Variants in FBXL13 observed in about 807,000 individuals in gnomAD.
FBXL13 encodes the protein F-box and leucine rich repeat protein 13, also known as F-box and leucine-rich repeat protein 13.
Under a neutral mutation model 83.6 loss-of-function variants are expected in FBXL13, and 67 were observed. The ratio of observed to expected loss-of-function variants is 0.80; its 90% CI spans 0.66 to 0.98. FBXL13 has a LOEUF of 0.98. Ranked by LOEUF, FBXL13 falls within the 50% of genes least tolerant of loss-of-function variation. The pLI is 0.00. For synonymous variants in FBXL13, 272 were observed against 299.5 expected (o/e 0.91, Z 0.95); for missense variants, 822 against 866.5 (o/e 0.95, Z 0.64).
At chr7:102,903,939 C>CTTTTCTTTTCT (rs1321420603) in intron 11 of FBXL13, among the ~76,000 whole-genome samples, 2 of 43,454 alleles carry the variant, frequency 4.6e-5, no homozygotes, top group Admixed American at 2.4e-4. Flanking sequence ...CTTTTCTTTT[C>CTTTTCTTTTCT]TTTTTTTTTT....
At chr7:103,001,180 CA>C (rs1223095881) in intron 6 of FBXL13, among the ~76,000 whole-genome samples, 1 of 151,768 alleles carries the variant, frequency 6.6e-6, no homozygotes, top group African/African-American at 2.4e-5. Flanking sequence ...AGGCTGGTCT[CA>C]AACTCCCAGG....
chr7:103,074,687 G>C (rs765922397), upstream of FBXL13: 16 of 1,289,252 alleles, frequency 1.2e-5, no homozygotes, highest in South Asian at 1.9e-4. Flanking sequence ...TGCCACGCGT[G>C]TCCAGTACCT....
At chr7:103,050,864 A>G (rs1380970802) in intron 2 of FBXL13, among the ~76,000 whole-genome samples, 1 of 152,216 alleles carries the variant, frequency 6.6e-6, no homozygotes, top group Non-Finnish European at 1.5e-5. Flanking sequence ...CAAAAAGTAC[A>G]AGACAGATTA....
chr7:102,980,358 A>T (rs112288400), intron 6 of FBXL13, among the ~76,000 whole-genome samples: 1 of 150,732 alleles, frequency 6.6e-6, no homozygotes, highest in Non-Finnish European at 1.5e-5. Flanking sequence ...AATGGGGGGA[A>T]AAAAGTCTTT....
chr7:102,886,664 G>A (rs1215483127), intron 11 of FBXL13, among the ~76,000 whole-genome samples: 4 of 152,170 alleles, frequency 2.6e-5, no homozygotes, highest in African/African-American at 9.7e-5. Context: ...AACAACTGAT[G>A]AGATAATTGA....
At chr7:102,836,851 G>A (rs1244705119) in intron 17 of FBXL13, among the ~76,000 whole-genome samples, 1 of 152,204 alleles carries the variant, frequency 6.6e-6, no homozygotes, top group Non-Finnish European at 1.5e-5. Context: ...ACAGGTGGCA[G>A]CTTCTAGCCT....
chr7:102,851,437 T>TTCCCTCCTTCCCTCCCCCCCCC (rs6150259), intron 17 of FBXL13, among the ~76,000 whole-genome samples: 1 of 143,982 alleles, frequency 6.9e-6, no homozygotes, highest in African/African-American at 2.7e-5. Flanking sequence ...TCTCTCTTTC[T>TTCCCTCCTTCCCTCCCCCCCCC]TCCCTCCTTC....
Position 102,824,488 on chromosome 7 carries a change from C to T in FBXL13, c.1855-2285G>A, listed in dbSNP as rs1336497045. Among the ~76,000 whole-genome samples the T allele has an allele frequency of 3.3e-5, 5 of 151,960 alleles. No homozygotes were observed. In the East Asian group the frequency reaches 9.7e-4, roughly 29 times the overall value. On this transcript the variant is annotated intron_variant, in intron 18 of 19. Coordinates refer to ENST00000313221, the Ensembl canonical transcript of FBXL13. ...TACAGTAATTACATTTATTTTGCAT[C>T]CTCTTTTTTTCTTTCTTTTTTTTAT...
chr7:102,969,330 C>T (rs1826332089), intron 6 of FBXL13, among the ~76,000 whole-genome samples: 1 of 152,096 alleles, frequency 6.6e-6, no homozygotes, highest in South Asian at 2.1e-4. Context: ...GAGTAATAGG[C>T]TATACCATAC....
chr7:102,862,931 T>A (rs1807077737), intron 16 of FBXL13, among the ~76,000 whole-genome samples: 1 of 152,230 alleles, frequency 6.6e-6, no homozygotes, highest in Admixed American at 6.5e-5. Context: ...CTTCTCTTTG[T>A]GACTCTCATC....
At chr7:102,926,464 C>CAAAAAAA in intron 9 of FBXL13, 90 bp from the exon 11 acceptor site, 1 of 981,818 alleles carries the variant, frequency 1.0e-6, no homozygotes, top group Admixed American at 2.7e-5. Flanking sequence ...CTTCCTGTTC[C>CAAAAAAA]AGAAAAAAAT....
intron 7 of FBXL13, among the ~76,000 whole-genome samples, chr7:102,964,939 C>G (rs1825819075): frequency 1.3e-5 from 2 of 151,924 alleles, no homozygotes; most frequent in Non-Finnish European, 2.9e-5. Context: ...GAATTCAGGG[C>G]AAAAAAGCAC....
At chr7:102,871,879 A>G (rs1264216347) in intron 16 of FBXL13, among the ~76,000 whole-genome samples, 1 of 151,908 alleles carries the variant, frequency 6.6e-6, no homozygotes, top group Non-Finnish European at 1.5e-5. Context: ...AGAACTCCTC[A>G]TCTCTTCCTT....
At chr7:102,928,535 T>C (rs934795784) in intron 9 of FBXL13, among the ~76,000 whole-genome samples, 1 of 152,222 alleles carries the variant, frequency 6.6e-6, no homozygotes, top group Non-Finnish European at 1.5e-5. Context: ...CCCTGTATAT[T>C]ATTAGACTCC....
intron 8 of FBXL13, among the ~76,000 whole-genome samples, chr7:102,962,697 T>C (rs1356160985): frequency 1.2e-4 from 18 of 151,132 alleles, no homozygotes; most frequent in African/African-American, 3.2e-4. Flanking sequence ...ATGGATGAAA[T>C]TGGAAATCAT....
intron 6 of FBXL13, among the ~76,000 whole-genome samples, chr7:103,020,973 A>G (rs1452475249): frequency 6.6e-6 from 1 of 152,200 alleles, no homozygotes; most frequent in Non-Finnish European, 1.5e-5. Flanking sequence ...CACAGATTGG[A>G]AAAAACTACT....
At chr7:103,058,568 T>C (rs1175964702) in intron 1 of FBXL13, among the ~76,000 whole-genome samples, 1 of 152,250 alleles carries the variant, frequency 6.6e-6, no homozygotes, top group African/African-American at 2.4e-5. Context: ...TCCAGAGTAC[T>C]GAGTTTTTGT....
At chr7:102,854,813 T>C (rs755384025) in exon 17 of FBXL13, 128 of 1,592,424 alleles carry the variant, frequency 8.0e-5, no homozygotes, top group Non-Finnish European at 1.1e-4. Flanking sequence ...AACATTCAGA[T>C]ACAGAAAGTT....
At chr7:103,014,689 C>T (rs184630447) in intron 6 of FBXL13, among the ~76,000 whole-genome samples, 7 of 151,892 alleles carry the variant, frequency 4.6e-5, no homozygotes, top group African/African-American at 9.6e-5. Flanking sequence ...TTTGGGAGGC[C>T]GAGGCGGGTG....
Sources: allele counts gnomAD v4.1 joint callset (sites outside exome capture counted in the v4.1 genomes callset), GRCh38; gene constraint gnomAD v4.1.1; transcripts MANE v1.5; gene names NCBI Gene and HGNC (gene_info 2026-07-23, HGNC 2026-07-21).